The following RIMBP2 variants were observed in gnomAD, a reference collection of about 807,000 sequenced individuals.
The protein encoded by RIMBP2 is RIMS-binding protein 2.
Under a neutral mutation model 118.6 loss-of-function variants are expected in RIMBP2, and 48 were observed. That is an observed-to-expected ratio of 0.40 (90% CI 0.32 to 0.51). RIMBP2 has a LOEUF of 0.51. Ranked by LOEUF, RIMBP2 falls within the 20% of genes least tolerant of loss-of-function variation. RIMBP2 has a pLI of 0.41. For missense variants in RIMBP2, 1,551 were observed against 1,768.3 expected, an observed-to-expected ratio of 0.88 and a Z score of 2.20; for synonymous variants, 762 against 742.9, an observed-to-expected ratio of 1.03 and a Z score of -0.42.
intron 12 of RIMBP2, 30 bp downstream of exon 12, chr12:130,438,335 A>ACGGGGGGGCCCCCCCCCCCC: frequency 1.2e-6 from 1 of 865,014 alleles, no homozygotes; most frequent in Non-Finnish European, 1.9e-6. Flanking sequence ...GGCCTAACAA[A>ACGGGGGGGCCCCCCCCCCCC]CCCTCCCCAC....
chr12:130,602,763 T>C (rs540388926), intron 2 of RIMBP2, among the ~76,000 whole-genome samples: 2 of 152,364 alleles, frequency 1.3e-5, no homozygotes, highest in African/African-American at 4.8e-5. Context: ...TAATCAACAA[T>C]GTTAAGAACG....
Position 130,605,344 on chromosome 12 carries a change from G to A in RIMBP2, c.-217+22978C>T, listed in dbSNP as rs144533465. 3.3e-4 allele frequency among the ~76,000 whole-genome samples: 50 copies of A among 152,190 alleles called. No homozygotes were observed. The East Asian group carries it at 6.2e-3, about 19-fold the overall frequency. On this transcript the variant is annotated intron_variant, in intron 2 of 22. Transcript: ENST00000690449. ...CTGGTCTCTTCAATAAGTCAATCAC[G>A]CGGGGAAACCGTGTTTCCAACTAAA...
intron 7 of RIMBP2, among the ~76,000 whole-genome samples, chr12:130,454,988 C>T (rs2079300287): frequency 6.6e-6 from 1 of 152,258 alleles, no homozygotes; most frequent in Non-Finnish European, 1.5e-5. Flanking sequence ...CACCACACAG[C>T]TCACACTGAA....
At chr12:130,707,858 A>G (rs1051510073) in intron 1 of RIMBP2, among the ~76,000 whole-genome samples, 1 of 152,200 alleles carries the variant, frequency 6.6e-6, no homozygotes, top group Admixed American at 6.5e-5. Flanking sequence ...CAACAGCTAG[A>G]TAGAGGCTGG....
At chr12:130,407,105 C>A (rs766337966) in intron 20 of RIMBP2, among the ~76,000 whole-genome samples, 1 of 152,216 alleles carries the variant, frequency 6.6e-6, no homozygotes, top group Non-Finnish European at 1.5e-5. Context: ...TATTCACAAC[C>A]AAACACATTT....
At chr12:130,479,532 T>G (rs2138104659) in intron 4 of RIMBP2, among the ~76,000 whole-genome samples, 1 of 152,174 alleles carries the variant, frequency 6.6e-6, no homozygotes, top group African/African-American at 2.4e-5. Context: ...ATGTCATCCT[T>G]GCCCATCGGG....
At chr12:130,676,413 C>A (rs1443201600) in intron 1 of RIMBP2, among the ~76,000 whole-genome samples, 1 of 151,106 alleles carries the variant, frequency 6.6e-6, no homozygotes, top group African/African-American at 2.4e-5. Context: ...TCACAAGGTC[C>A]AGAGATGGAG....
rs373882270 is a variant in RIMBP2 at position 130,424,468 on chromosome 12, C to T, written c.2803G>A (p.Gly935Arg). The T allele has an allele frequency of 8.9e-4, 1,092 of 1,232,086 alleles. 8 individuals carry two copies. In the African/African-American group the frequency reaches 0.015, roughly 17 times the overall value. The allele number at this position is 1,232,086 out of a possible 1,614,324, so 76.3% of individuals were successfully genotyped here. The change falls in exon 16 of 23, where the codon GGA becomes AGA. Residue 935 changes from glycine (G) to arginine (R), a missense_variant. By Grantham distance (125) the Gly-to-Arg change is moderately radical. Transcript: ENST00000690449. This position sits in a 1 kb window ranked among gnomAD's most constrained non-coding sequence, Gnocchi z 9.8. ...SEEDESRFGF[G>R]NTVAACSPGP... ...GGGCTGCACGCGGCCACGGTGTTTC[C>T]GAAGCCAAACCGCGACTCGTCCTCT...
chr12:130,683,695 C>T lies in RIMBP2; in HGVS notation c.-352+32527G>A, dbSNP rs534287813. Among the ~76,000 whole-genome samples, 7 of 152,264 alleles carry T rather than the reference C, an allele frequency of 4.6e-5. No homozygotes were observed. Among genetic ancestry groups the T allele is most frequent in the African/African-American group, 1.7e-4 (7 of 41,530 alleles). On this transcript the variant is annotated intron_variant, in intron 1 of 22. Coordinates refer to ENST00000690449, the MANE Select transcript of RIMBP2 (RefSeq NM_001393629.1). This position sits in a 1 kb window ranked among gnomAD's most constrained non-coding sequence, Gnocchi z 4.4. ...ACCAAGATGACCACAAGAGTGATCTCTGGTCATCCTCATTGCTACACTCCC... is the reference window on the plus strand; with the variant it reads ...ACCAAGATGACCACAAGAGTGATCTTTGGTCATCCTCATTGCTACACTCCC...
At chr12:130,574,969 GCCACCC>G (rs1404250251) in intron 2 of RIMBP2, among the ~76,000 whole-genome samples, 2 of 35,532 alleles carry the variant, frequency 5.6e-5, no homozygotes, top group African/African-American at 1.0e-4. Flanking sequence ...ACCCCCCACC[GCCACCC>G]CCACCCCCAG....
chr12:130,489,705 C>T (rs2048445437), intron 4 of RIMBP2, among the ~76,000 whole-genome samples: 1 of 152,200 alleles, frequency 6.6e-6, no homozygotes, highest in African/African-American at 2.4e-5. Flanking sequence ...TTCTTCCACC[C>T]TGTGTGTCAC....
intron 2 of RIMBP2, among the ~76,000 whole-genome samples, chr12:130,572,427 A>C (rs1449743236): frequency 2.0e-5 from 3 of 152,096 alleles, no homozygotes. Flanking sequence ...CAGGTATAGA[A>C]GGGACCTTCC....
At chr12:130,502,491 A>T (rs2049895991) in intron 4 of RIMBP2, among the ~76,000 whole-genome samples, 1 of 151,590 alleles carries the variant, frequency 6.6e-6, no homozygotes, top group South Asian at 2.1e-4. Flanking sequence ...GCATCCATAC[A>T]TCCCAGGCCC....
In RIMBP2 at chr12:130,484,014, C is replaced by G. The variant is rs1255811820; in HGVS notation, c.-3-4998G>C. ...TCCTGGAAAGGCCCCAGAAGTTCCCCCAGGCACTGGCTTGCTGGCATGGAC... is the reference window on the plus strand; with the variant it reads ...TCCTGGAAAGGCCCCAGAAGTTCCCGCAGGCACTGGCTTGCTGGCATGGAC... On this transcript the variant is annotated intron_variant, in intron 4 of 22. Transcript: ENST00000690449. Among the ~76,000 whole-genome samples the G allele has an allele frequency of 2.0e-5, 3 of 152,188 alleles. No individual in the cohort carries two copies. The East Asian group carries it at 5.8e-4, about 29-fold the overall frequency.
At chr12:130,629,694 C>A (rs2061864252) in intron 1 of RIMBP2, among the ~76,000 whole-genome samples, 2 of 152,094 alleles carry the variant, frequency 1.3e-5, no homozygotes, top group Admixed American at 6.5e-5. Flanking sequence ...TCAAACTAGG[C>A]AAGAGACTGG....
chr12:130,568,061 T>C (rs1309743680), intron 2 of RIMBP2, among the ~76,000 whole-genome samples: 1 of 152,184 alleles, frequency 6.6e-6, no homozygotes, highest in Non-Finnish European at 1.5e-5. Context: ...AGCCTGCTGA[T>C]TGGAAATCTA....
rs2077036564 is a variant in RIMBP2, at chr12:130,429,719, C to A, written c.2254-1382G>T. The A allele has an allele frequency of 2.0e-5, 3 of 152,170 alleles. No homozygotes were observed. In the South Asian group the frequency reaches 6.2e-4, roughly 32 times the overall value. 9.4% of individuals were successfully genotyped at this position (152,170 alleles called of 1,614,324 possible). A position where few individuals can be genotyped will look rare whatever the true frequency, so the allele number is the denominator to read the frequency against. ...CATTGGCGTCACGGTCAGTTCCTGG[C>A]CTGCTGAGGGAAGCTGCGTGGGGCT... On this transcript the variant is annotated intron_variant, in intron 14 of 22. Transcript: ENST00000690449.
Position 130,442,081 on chromosome 12 carries a change from G to A in RIMBP2, c.1271C>T (p.Ala424Val). The A allele has an allele frequency of 6.2e-7, 1 of 1,614,196 alleles. No homozygotes were observed. The highest frequency in any genetic ancestry group is 1.3e-5 in the African/African-American group (1 of 75,058). ...GTTGGTGGGTAGCCAGGAGAGCTGG[G>A]CGGAGATCTGCGTGATGTTGTCCAC... ...LRVDNITQIS[A>V]QLSWLPTNSN... The change falls in exon 11 of 23, where the codon GCC (alanine) becomes GTC (valine). Residue 424 changes from alanine to valine, a missense_variant. Ala to Val is a moderately conservative substitution (Grantham distance 64). This residue lies in a region of RIMBP2 where 265 missense variants were observed against 349.5 expected (regional missense o/e 0.76). Coordinates refer to ENST00000690449, the MANE Select transcript of RIMBP2 (RefSeq NM_001393629.1). This position sits in a 1 kb window ranked among gnomAD's most constrained non-coding sequence, Gnocchi z 6.9.
intron 4 of RIMBP2, among the ~76,000 whole-genome samples, chr12:130,504,830 G>C (rs1302272984): frequency 6.6e-6 from 1 of 152,204 alleles, no homozygotes; most frequent in Non-Finnish European, 1.5e-5. Context: ...GCGTGGGAGA[G>C]GGTTTTACAT....
Sources: gnomAD v4.1 joint callset for allele counts (sites outside exome capture counted in the v4.1 genomes callset) on GRCh38, gnomAD v4.1.1 for gene constraint, gnomAD v4.1.1 regional missense constraint, Gnocchi (gnomAD v3.1) non-coding constraint, MANE v1.5 for transcripts, NCBI Gene and HGNC (gene_info 2026-07-23, HGNC 2026-07-21) for gene names.